The following SLC24A2 variants were observed in gnomAD, a reference collection of about 807,000 sequenced individuals.
SLC24A2 encodes solute carrier family 24 member 2.
A neutral mutation model predicts 62.0 loss-of-function variants in SLC24A2; 36 were observed. The ratio of observed to expected loss-of-function variants is 0.58; its 90% confidence interval spans 0.44 to 0.77. SLC24A2 has a LOEUF of 0.77. SLC24A2 is among the 30% of genes least tolerant of loss of function. SLC24A2 has a pLI of 0.00. For missense variants in SLC24A2, 846 were observed against 817.9 expected (o/e 1.03, Z -0.42); for synonymous variants, 358 against 294.0 (o/e 1.22, Z -2.23).
chr9:19,867,329 C>A, the SLC24A2 span, among the ~76,000 whole-genome samples: 1 of 152,138 alleles, frequency 6.6e-6, no homozygotes, highest in Non-Finnish European at 1.5e-5. Flanking sequence ...TTTGTGGGAA[C>A]ATTTCAAAAT....
the SLC24A2 span, among the ~76,000 whole-genome samples, chr9:19,994,730 G>A: frequency 6.6e-6 from 1 of 152,184 alleles, no homozygotes. Flanking sequence ...CTTCCCTGAA[G>A]ATAGTGTGGC....
chr9:19,672,857 T>A (rs1819457155), intron 2 of SLC24A2, among the ~76,000 whole-genome samples: 1 of 146,656 alleles, frequency 6.8e-6, no homozygotes, highest in Non-Finnish European at 1.5e-5. Context: ...GGGCTTCTTT[T>A]GGAGTTGATT....
intron 9 of SLC24A2, 105 bp from the exon 10 acceptor site, chr9:19,521,165 G>T: frequency 1.0e-6 from 1 of 980,538 alleles, no homozygotes; most frequent in Non-Finnish European, 1.6e-6. Context: ...TCTATACTGT[G>T]CTATGCAAAG....
At chr9:20,173,344 G>C in the SLC24A2 span, among the ~76,000 whole-genome samples, 1 of 152,064 alleles carries the variant, frequency 6.6e-6, no homozygotes, top group South Asian at 2.1e-4. Flanking sequence ...AATCAGACAA[G>C]AGAAAGAAAT....
the SLC24A2 span, among the ~76,000 whole-genome samples, chr9:19,847,988 C>T: frequency 6.6e-6 from 1 of 152,266 alleles, no homozygotes; most frequent in South Asian, 2.1e-4. Flanking sequence ...AGGGACTTCT[C>T]TTTTTCAACA....
the SLC24A2 span, among the ~76,000 whole-genome samples, chr9:19,994,967 C>A: frequency 1.3e-5 from 2 of 152,128 alleles, no homozygotes; most frequent in Non-Finnish European, 2.9e-5. Flanking sequence ...AAACAACACC[C>A]TTTACCTTAA....
chr9:19,829,809 ATACACACACACACAC>A, the SLC24A2 span, among the ~76,000 whole-genome samples: 1 of 17,464 alleles, frequency 5.7e-5, no homozygotes, highest in Non-Finnish European at 6.8e-4. Context: ...ATATATATAT[ATACACACACACACAC>A]ACACACACAC....
chr9:19,666,043 G>C (rs981574480), intron 2 of SLC24A2, among the ~76,000 whole-genome samples: 1 of 152,112 alleles, frequency 6.6e-6, no homozygotes, highest in Non-Finnish European at 1.5e-5. Context: ...TCAGAGGTTA[G>C]CTTTTATAAA....
At chr9:19,856,880 C>T in the SLC24A2 span, among the ~76,000 whole-genome samples, 1 of 152,224 alleles carries the variant, frequency 6.6e-6, no homozygotes, top group Admixed American at 6.5e-5. Flanking sequence ...TCCCCCTTAT[C>T]TGGACTGCTT....
At chr9:19,605,899 C>G (rs1008354586) in intron 4 of SLC24A2, among the ~76,000 whole-genome samples, 1 of 152,224 alleles carries the variant, frequency 6.6e-6, no homozygotes, top group East Asian at 1.9e-4. Context: ...AGAGGCAGAA[C>G]TGGGGTTCAA....
At chr9:19,788,383 T>TC (rs1298160168) in intron 1 of SLC24A2, 3 of 452,306 alleles carry the variant, frequency 6.6e-6, no homozygotes, top group African/African-American at 6.4e-5. Flanking sequence ...CGATCCTCGC[T>TC]CCCCCTGAAA....
At chr9:19,542,016 C>T (rs1163947285) in intron 8 of SLC24A2, among the ~76,000 whole-genome samples, 1 of 152,208 alleles carries the variant, frequency 6.6e-6, no homozygotes, top group East Asian at 1.9e-4. Flanking sequence ...AGGGAACTCC[C>T]TGACCCTTGC....
the SLC24A2 span, among the ~76,000 whole-genome samples, chr9:19,860,273 G>C: frequency 6.6e-6 from 1 of 152,176 alleles, no homozygotes; most frequent in Non-Finnish European, 1.5e-5. Flanking sequence ...AGCAGGATAA[G>C]GCAACAGTCA....
At chr9:19,886,451 A>G in the SLC24A2 span, among the ~76,000 whole-genome samples, 2 of 152,342 alleles carry the variant, frequency 1.3e-5, no homozygotes, top group East Asian at 1.9e-4. Flanking sequence ...AAACATATGA[A>G]AAAAAGCTCA....
intron 2 of SLC24A2, among the ~76,000 whole-genome samples, chr9:19,678,974 A>G (rs1182970626): frequency 6.6e-6 from 1 of 152,250 alleles, no homozygotes; most frequent in Non-Finnish European, 1.5e-5. Context: ...TAAAACTTAT[A>G]CAACTGACTG....
chr9:19,707,676 C>T (rs939767647), intron 2 of SLC24A2, among the ~76,000 whole-genome samples: 51 of 152,128 alleles, frequency 3.4e-4, no homozygotes, highest in Non-Finnish European at 7.4e-4. Context: ...TCAATAGATG[C>T]AGAAAAGGCC....
rs192043174 is a variant in SLC24A2 at position 19,561,328 on chromosome 9, G to A, written c.1348-11060C>T. Among the ~76,000 whole-genome samples, 7 of 115,984 alleles carry A rather than the reference G, an allele frequency of 6.0e-5. No individual in the cohort carries two copies. In the East Asian group the frequency reaches 1.4e-3, roughly 22 times the overall value. 76.1% of individuals were successfully genotyped at this position (115,984 alleles called of 152,430 possible). A position where few individuals can be genotyped will look rare whatever the true frequency, so the allele number is the denominator to read the frequency against. The stretch of plus-strand genomic sequence containing the variant: ...TATCCATAAGATAAGTGAAAAAGAG[G>A]TAAGTTTACGTGTTTCTTATTGGAA... On this transcript the variant is annotated intron_variant, in intron 7 of 10. Coordinates refer to ENST00000341998, the MANE Select transcript of SLC24A2 (RefSeq NM_020344.4).
chr9:19,908,454 G>A, the SLC24A2 span, among the ~76,000 whole-genome samples: 1 of 151,998 alleles, frequency 6.6e-6, no homozygotes, highest in Non-Finnish European at 1.5e-5. Context: ...AACACCAAAA[G>A]CAATGGCAAC....
At chr9:19,902,982 T>C in the SLC24A2 span, among the ~76,000 whole-genome samples, 4 of 151,954 alleles carry the variant, frequency 2.6e-5, no homozygotes, top group African/African-American at 9.7e-5. Context: ...GGACAGATCC[T>C]ACCTAGGAAA....
Sources: gnomAD v4.1 joint callset for allele counts (sites outside exome capture counted in the v4.1 genomes callset) on GRCh38, gnomAD v4.1.1 for gene constraint, MANE v1.5 for transcripts, NCBI Gene and HGNC (gene_info 2026-07-23, HGNC 2026-07-21) for gene names.